The following LRRC43 variants were observed in gnomAD, a reference collection of about 807,000 sequenced individuals.
LRRC43 encodes the protein leucine rich repeat containing 43.
Under a neutral mutation model 64.3 loss-of-function variants are expected in LRRC43, and 62 were observed. That is an observed-to-expected ratio of 0.96 (90% confidence interval 0.79 to 1.19). LRRC43 has a LOEUF of 1.19. Ranked by LOEUF, LRRC43 falls within the 50% of genes most tolerant of loss-of-function variation. The pLI, the probability that LRRC43 is intolerant of heterozygous loss-of-function variation, is 0.00. For missense variants in LRRC43, 868 were observed against 845.0 expected (o/e 1.03, Z -0.34); for synonymous variants, 422 against 382.3 (o/e 1.10, Z -1.21).
In LRRC43 at chr12:122,184,118, G is replaced by A. The variant is rs1218233140; in HGVS notation, c.151-401G>A. ...AGATTTTTTTTTTTTTTTTTGAGACGGAGTCTCGCTCTGTCACCCAGCCTG... is the reference window on the plus strand; with the variant it reads ...AGATTTTTTTTTTTTTTTTTGAGACAGAGTCTCGCTCTGTCACCCAGCCTG... On this transcript the variant is annotated intron_variant, in intron 1 of 11. Transcript: ENST00000339777. This position sits in a 1 kb window ranked among gnomAD's most constrained non-coding sequence, Gnocchi z 4.0. Among the ~76,000 whole-genome samples, 9 of 146,414 alleles carry A rather than the reference G, an allele frequency of 6.1e-5. No homozygotes were observed. The highest frequency in any genetic ancestry group is 1.8e-4 in the African/African-American group (7 of 39,628).
Position 122,183,289 on chromosome 12 carries a change from A to G in LRRC43, c.145A>G (p.Ser49Gly), listed in dbSNP as rs1194897034. The G allele has an allele frequency of 2.0e-6, 3 of 1,517,886 alleles. No individual in the cohort carries two copies. Among genetic ancestry groups the G allele is most frequent in the Non-Finnish European group, 1.7e-6 (2 of 1,146,302 alleles). The allele number at this position is 1,517,886 out of a possible 1,614,324, so 94.0% of individuals were successfully genotyped here. A position where few individuals can be genotyped will look rare whatever the true frequency, so the allele number is the denominator to read the frequency against. ...GCGCGAGTTCCCGTGCGGTGCCGGCAGCTGGGTGCGGGCGCCGGGGCCGGA... is the reference window on the plus strand; with the variant it reads ...GCGCGAGTTCCCGTGCGGTGCCGGCGGCTGGGTGCGGGCGCCGGGGCCGGA... ...CLREFPCGAG[S>G]WNKSRFLPQT... Residue 49 changes from serine (S) to glycine (G), a missense_variant, in exon 1 of 12, where the codon AGC (serine) becomes GGC (glycine). Transcript: ENST00000339777.
intron 7 of LRRC43, among the ~76,000 whole-genome samples, chr12:122,193,807 G>GT (rs1953747826): frequency 6.6e-6 from 1 of 152,150 alleles, no homozygotes; most frequent in African/African-American, 2.4e-5. Context: ...TGATCTGCCC[G>GT]CCTCAGCCTC....
intron 1 of LRRC43, among the ~76,000 whole-genome samples, chr12:122,176,604 G>C (rs755219183): frequency 6.6e-5 from 10 of 150,988 alleles, no homozygotes; most frequent in Non-Finnish European, 1.5e-4. Flanking sequence ...TGGGATTACA[G>C]GCATGAGTCA....
chr12:122,175,444 G>A (rs1232598872), intron 1 of LRRC43, among the ~76,000 whole-genome samples: 1 of 151,796 alleles, frequency 6.6e-6, no homozygotes, highest in African/African-American at 2.4e-5. Context: ...TGGGATTACA[G>A]GTGCGAGCCA....
Position 122,203,429 on chromosome 12 carries a change from T to G in LRRC43, c.1958T>G (p.Met653Arg). ...CGCTCGGCGGAGGAGGCTCTGCGCA[T>G]GTTCGCCGTGTAGGGCGTGGGCAGT... ...QCRSAEEALR[M>R]FAV The change falls in exon 12 of 12, where the codon ATG becomes AGG. Residue 653 changes from methionine (M) to arginine (R), a missense_variant. Coordinates refer to ENST00000339777, the MANE Select transcript of LRRC43 (RefSeq NM_001098519.2). The G allele has an allele frequency of 3.7e-6, 6 of 1,610,940 alleles. No homozygotes were observed. Among genetic ancestry groups the G allele is most frequent in the Non-Finnish European group, 3.4e-6 (4 of 1,179,498 alleles).
At chr12:122,168,344 G>A (rs1160379160) in intron 1 of LRRC43, among the ~76,000 whole-genome samples, 2 of 151,678 alleles carry the variant, frequency 1.3e-5, no homozygotes, top group African/African-American at 4.8e-5. Flanking sequence ...GGGAGGCTGA[G>A]GCAGGAGAAT....
chr12:122,194,137 A>G (rs73419770), intron 7 of LRRC43, among the ~76,000 whole-genome samples: 2,588 of 152,204 alleles, frequency 0.017, 83 homozygotes, highest in African/African-American at 0.058. Flanking sequence ...TACAGACCCA[A>G]CAATACATTG....
Position 122,203,349 on chromosome 12 carries a change from C to A in LRRC43, c.1878C>A (p.Gly626=), listed in dbSNP as rs768347075. The A allele has an allele frequency of 1.2e-6, 2 of 1,613,128 alleles. No homozygotes were observed. Among genetic ancestry groups the A allele is most frequent in the South Asian group, 2.2e-5 (2 of 91,008 alleles). The change falls in exon 12 of 12, where the codon GGC becomes GGA. Residue 626 remains glycine, a synonymous_variant. Transcript: ENST00000339777. The part of the protein sequence containing the change: ...KPKAVIPIYE[G]DYHPEPLTVE... ...AAGCCGTGATTCCGATCTACGAAGG[C>A]GATTACCACCCTGAGCCCCTGACCG...
upstream of LRRC43, among the ~76,000 whole-genome samples, chr12:122,179,657 G>A (rs528988722): frequency 1.3e-5 from 2 of 152,212 alleles, no homozygotes; most frequent in East Asian, 3.9e-4. Context: ...ATTTAATCTA[G>A]AACATGGAGA....
At chr12:122,179,762 A>G (rs1419445069), upstream of LRRC43, among the ~76,000 whole-genome samples, 2 of 151,678 alleles carry the variant, frequency 1.3e-5, no homozygotes, top group Non-Finnish European at 2.9e-5. Context: ...CACGAGGTCA[A>G]AAGGTCGAGA....
Position 122,193,003 on chromosome 12 carries a change from G to A in LRRC43, c.1348G>A (p.Gly450Arg), listed in dbSNP as rs1382749888. 1 of 1,613,234 alleles carries A rather than the reference G, an allele frequency of 6.2e-7. No individual in the cohort carries two copies. The highest frequency in any genetic ancestry group is 8.5e-7 in the Non-Finnish European group (1 of 1,179,664). The change falls in exon 7 of 12, where the codon GGG becomes AGG. Residue 450 changes from glycine to arginine, a missense_variant and splice_region_variant. Gly to Arg is a moderately radical substitution (Grantham distance 125). Coordinates refer to ENST00000339777, the MANE Select transcript of LRRC43 (RefSeq NM_001098519.2). The stretch of plus-strand genomic sequence containing the variant: ...AGATCCCCGGCTCTGCCCGTCCCCA[G>A]GGTAAGGATGGAAATCTGAACCAGG... The part of the protein sequence containing the change: ...RIDPRLCPSP[G>R]TVLFSTAHKP...
At chr12:122,183,401 C>A in intron 1 of LRRC43, 107 bp downstream of exon 1, 1 of 1,242,954 alleles carries the variant, frequency 8.0e-7, no homozygotes, top group South Asian at 1.9e-5. Context: ...TCTGCGCATT[C>A]TGGGGGCCGC....
At position 122,178,046 on chromosome 12, in the gene LRRC43, C is replaced by T. The variant is rs576139218; in HGVS notation, c.-405-6473C>T. Among the ~76,000 whole-genome samples, 14 of 151,916 alleles carry T rather than the reference C, an allele frequency of 9.2e-5. No individual in the cohort carries two copies. The East Asian group carries it at 1.6e-3, about 17-fold the overall frequency. Reference sequence around the variant, plus strand: ...AGAGACAGGGTTTTGCCATGTTGTCCAGGCTGGTCTTGAACTCCTGACCTC... The same window carrying T: ...AGAGACAGGGTTTTGCCATGTTGTCTAGGCTGGTCTTGAACTCCTGACCTC... On this transcript the variant is annotated intron_variant, in intron 1 of 5. Coordinates refer to the LRRC43 transcript ENST00000537729.
chr12:122,186,792 G>A lies in LRRC43; in HGVS notation c.522+492G>A, dbSNP rs1021874580. ...AAATTAGCCGGGTGTGGTGGCATGC[G>A]CCTGTAGTCCCAGCTGCTTGGGAGG... is the stretch of plus-strand genomic sequence containing the variant. On this transcript the variant is annotated intron_variant, in intron 3 of 11. Coordinates refer to ENST00000339777, the MANE Select transcript of LRRC43 (RefSeq NM_001098519.2). Among the ~76,000 whole-genome samples the A allele has an allele frequency of 5.9e-5, 9 of 152,122 alleles. No individual in the cohort carries two copies. In the South Asian group the frequency reaches 8.3e-4, roughly 14 times the overall value.
At chr12:122,181,312 G>C (rs1419981637), upstream of LRRC43, among the ~76,000 whole-genome samples, 2 of 152,004 alleles carry the variant, frequency 1.3e-5, no homozygotes, top group African/African-American at 4.8e-5. Context: ...GAGAGGCTGA[G>C]GTGGGCGGAT....
At chr12:122,197,932 A>G (rs1953788665) in intron 7 of LRRC43, among the ~76,000 whole-genome samples, 2 of 151,588 alleles carry the variant, frequency 1.3e-5, no homozygotes, top group Non-Finnish European at 2.9e-5. Context: ...GCCATTTTTT[A>G]TTCAGGAGGG....
upstream of LRRC43, among the ~76,000 whole-genome samples, chr12:122,181,180 T>A (rs1953577511): frequency 6.6e-6 from 1 of 151,346 alleles, no homozygotes; most frequent in Non-Finnish European, 1.5e-5. Flanking sequence ...ATCACGCTAC[T>A]GCACAGTAGC....
In LRRC43 at chr12:122,203,299, A is replaced by C; in HGVS notation, c.1844-16A>C. 2 of 1,609,008 alleles carry C rather than the reference A, an allele frequency of 1.2e-6. No individual in the cohort carries two copies. The highest frequency in any genetic ancestry group is 1.1e-5 in the South Asian group (1 of 90,732). Reference sequence around the variant, plus strand: ...TCCGTCTCCCGGGGCTCATGCTCGCACTTAAATTTTCTCAGAAAAGCCGAA... The same window carrying C: ...TCCGTCTCCCGGGGCTCATGCTCGCCCTTAAATTTTCTCAGAAAAGCCGAA... On this transcript the variant is annotated splice_polypyrimidine_tract_variant and intron_variant, in intron 11 of 11. Coordinates refer to ENST00000339777, the MANE Select transcript of LRRC43 (RefSeq NM_001098519.2).
intron 7 of LRRC43, among the ~76,000 whole-genome samples, chr12:122,195,530 C>T (rs879288767): frequency 5.3e-5 from 8 of 152,136 alleles, no homozygotes; most frequent in South Asian, 4.1e-4. Context: ...TGTGAGCCAC[C>T]ATGCCTGGCC....
Sources: gnomAD v4.1 joint callset for allele counts (sites outside exome capture counted in the v4.1 genomes callset) on GRCh38, gnomAD v4.1.1 for gene constraint, Gnocchi (gnomAD v3.1) non-coding constraint, MANE v1.5 for transcripts, NCBI Gene and HGNC (gene_info 2026-07-23, HGNC 2026-07-21) for gene names.